EXOC4: variants seen among roughly 807,000 people sequenced by gnomAD.
EXOC4 encodes the protein exocyst complex component 4.
EXOC4 carries 71 observed loss-of-function variants against 107.2 expected under a neutral mutation model. That is an observed-to-expected ratio of 0.66 (90% CI 0.55 to 0.81). The LOEUF is 0.81. Among genes scored for constraint, EXOC4 ranks in the 30% least tolerant of loss-of-function variants. The pLI is 0.00. For missense variants in EXOC4, 1,108 were observed against 1,189.6 expected (o/e 0.93, Z 1.01); for synonymous variants, 456 against 441.2 (o/e 1.03, Z -0.42).
intron 3 of EXOC4, among the ~76,000 whole-genome samples, chr7:133,291,369 T>A (rs978218585): frequency 1.3e-5 from 2 of 152,076 alleles, no homozygotes; most frequent in East Asian, 1.9e-4. Flanking sequence ...TTTCTCAGTA[T>A]TTTTTGTTAT....
intron 7 of EXOC4, among the ~76,000 whole-genome samples, chr7:133,379,406 T>C (rs1796563885): frequency 6.6e-6 from 1 of 152,050 alleles, no homozygotes; most frequent in Non-Finnish European, 1.5e-5. Context: ...TCATTTTGGG[T>C]TTAAAAGATA....
At chr7:133,875,543 T>C (rs1798829905) in intron 11 of EXOC4, among the ~76,000 whole-genome samples, 3 of 152,168 alleles carry the variant, frequency 2.0e-5, no homozygotes, top group Admixed American at 6.5e-5. Flanking sequence ...GCTGCTGGCA[T>C]TGGAGTGGCC....
intron 14 of EXOC4, among the ~76,000 whole-genome samples, chr7:133,992,573 G>A (rs551931778): frequency 3.3e-5 from 5 of 151,976 alleles, no homozygotes; most frequent in Admixed American, 6.6e-5. Flanking sequence ...ATGGGCCACC[G>A]CACCTGGCCT....
chr7:133,834,037 AC>A (rs1221884831), intron 11 of EXOC4, among the ~76,000 whole-genome samples: 2 of 152,072 alleles, frequency 1.3e-5, no homozygotes, highest in Non-Finnish European at 2.9e-5. Context: ...ATGCACAGTG[AC>A]CCCTGCATAT....
At chr7:133,287,999 C>G (rs1188429783) in intron 2 of EXOC4, among the ~76,000 whole-genome samples, 1 of 152,124 alleles carries the variant, frequency 6.6e-6, no homozygotes, top group Non-Finnish European at 1.5e-5. Flanking sequence ...CCACGTGGTA[C>G]ACTTGAGATG....
chr7:133,344,544 G>T (rs1270129862), intron 5 of EXOC4, among the ~76,000 whole-genome samples: 1 of 152,028 alleles, frequency 6.6e-6, no homozygotes, highest in African/African-American at 2.4e-5. Flanking sequence ...TCTTGTCATC[G>T]GGTAGGATTC....
At chr7:133,647,321 A>G (rs1285434629) in intron 10 of EXOC4, among the ~76,000 whole-genome samples, 2 of 152,170 alleles carry the variant, frequency 1.3e-5, no homozygotes, top group African/African-American at 4.8e-5. Context: ...ATGTATTGCA[A>G]AGGTCACAAT....
At chr7:133,644,496 C>T (rs1802939511) in intron 10 of EXOC4, among the ~76,000 whole-genome samples, 1 of 152,180 alleles carries the variant, frequency 6.6e-6, no homozygotes, top group South Asian at 2.1e-4. Context: ...TAATAGCTAA[C>T]ATTTAAGTAC....
At chr7:133,786,136 G>A (rs1241624702) in intron 10 of EXOC4, among the ~76,000 whole-genome samples, 1 of 152,148 alleles carries the variant, frequency 6.6e-6, no homozygotes, top group Non-Finnish European at 1.5e-5. Flanking sequence ...AGCAAAAGAG[G>A]TACATTTTTG....
At chr7:133,678,376 C>T (rs1376820581) in intron 10 of EXOC4, among the ~76,000 whole-genome samples, 1 of 152,196 alleles carries the variant, frequency 6.6e-6, no homozygotes, top group Non-Finnish European at 1.5e-5. Flanking sequence ...CTCTTCACAG[C>T]TTATTGCACT....
At chr7:133,304,944 C>T (rs1162124981) in intron 3 of EXOC4, among the ~76,000 whole-genome samples, 1 of 152,158 alleles carries the variant, frequency 6.6e-6, no homozygotes, top group African/African-American at 2.4e-5. Context: ...TTTCTATTTT[C>T]TCTCAAAGAA....
intron 1 of EXOC4, among the ~76,000 whole-genome samples, chr7:133,273,665 A>G (rs2150522959): frequency 6.6e-6 from 1 of 152,334 alleles, no homozygotes; most frequent in South Asian, 2.1e-4. Context: ...TTGGAAAAGA[A>G]GTTTTATATA....
chr7:133,530,196 A>G (rs1035795040), intron 9 of EXOC4, among the ~76,000 whole-genome samples: 1 of 152,202 alleles, frequency 6.6e-6, no homozygotes, highest in African/African-American at 2.4e-5. Flanking sequence ...AGTAACCTAG[A>G]AAAAGAGAGG....
intron 9 of EXOC4, chr7:133,480,440 G>T: frequency 1.8e-6 from 2 of 1,135,012 alleles, no homozygotes; most frequent in East Asian, 5.0e-5. Flanking sequence ...GGAGAATGTT[G>T]GTCTTCTGCG....
intron 11 of EXOC4, among the ~76,000 whole-genome samples, chr7:133,882,891 C>T (rs1033240379): frequency 9.2e-5 from 14 of 152,158 alleles, no homozygotes; most frequent in Non-Finnish European, 7.3e-5. Context: ...TCTAATCCCA[C>T]GAACGGACAT....
chr7:133,402,691 A>G (rs1283508953), intron 7 of EXOC4, among the ~76,000 whole-genome samples: 1 of 151,886 alleles, frequency 6.6e-6, no homozygotes, highest in Non-Finnish European at 1.5e-5. Flanking sequence ...TTTAGCAGAG[A>G]TGGGGTTTCA....
At chr7:134,027,856 C>G (rs888578466) in intron 17 of EXOC4, among the ~76,000 whole-genome samples, 3 of 152,052 alleles carry the variant, frequency 2.0e-5, no homozygotes, top group African/African-American at 7.2e-5. Context: ...TCTTCTAGCC[C>G]CTTCGTTTAT....
At chr7:133,857,807 G>C (rs1397346215) in intron 11 of EXOC4, among the ~76,000 whole-genome samples, 1 of 152,098 alleles carries the variant, frequency 6.6e-6, no homozygotes, top group East Asian at 1.9e-4. Context: ...GCCCCAAGGG[G>C]TGGGTGTGGA....
In EXOC4 at chr7:133,338,465, C is replaced by T. The variant is rs950400604; in HGVS notation, c.764-17865C>T. ...AAAATTAGCCGGGCGCGGTGGCGGG[C>T]GCCTGTAGTCCCAGCTACTCGGGAG... On this transcript the variant is annotated intron_variant, in intron 5 of 17. Transcript: ENST00000253861. Among the ~76,000 whole-genome samples the T allele has an allele frequency of 6.7e-5, 10 of 148,868 alleles. No homozygotes were observed. In the South Asian group the frequency reaches 8.6e-4, roughly 13 times the overall value.
Sources: allele counts gnomAD v4.1 joint callset (sites outside exome capture counted in the v4.1 genomes callset), GRCh38; gene constraint gnomAD v4.1.1; transcripts MANE v1.5; gene names NCBI Gene and HGNC (gene_info 2026-07-23, HGNC 2026-07-21).